Variants in PTP4A2 observed in about 807,000 individuals in gnomAD.
PTP4A2 encodes the protein protein tyrosine phosphatase 4A2, also known as protein tyrosine phosphatase type IVA 2.
In PTP4A2, 2 loss-of-function variants were observed where a neutral mutation model predicts 22.9. That is an observed-to-expected ratio of 0.09 (90% CI 0.04 to 0.27). The LOEUF is 0.27. PTP4A2 is among the 10% of genes least tolerant of loss of function. The pLI, the probability that PTP4A2 is intolerant of heterozygous loss-of-function variation, is 1.00. For missense variants in PTP4A2, 103 were observed against 205.1 expected (o/e 0.50, Z 3.04); for synonymous variants, 68 against 69.1 (o/e 0.98, Z 0.08).
intron 1 of PTP4A2, among the ~76,000 whole-genome samples, chr1:31,936,607 C>T (rs1652943719): frequency 6.6e-6 from 1 of 152,076 alleles, no homozygotes; most frequent in South Asian, 2.1e-4. Flanking sequence ...TCAAGAATCC[C>T]TACTTTTACA....
intron 3 of PTP4A2, chr1:31,913,910 T>C (rs1022928266): frequency 2.2e-6 from 1 of 455,298 alleles, no homozygotes; most frequent in African/African-American, 2.0e-5. Flanking sequence ...TAAACTTGTA[T>C]GCAGCTTATT....
chr1:31,916,345 CA>C (rs1167002913), intron 2 of PTP4A2, among the ~76,000 whole-genome samples: 788 of 35,388 alleles, frequency 0.022, 36 homozygotes, highest in African/African-American at 0.043. Context: ...ACTCCGTCTC[CA>C]AAAAAAAAAA....
At chr1:31,913,140 ACC>A (rs900096356) in intron 3 of PTP4A2, 1 of 379,988 alleles carries the variant, frequency 2.6e-6, no homozygotes, top group African/African-American at 2.1e-5. Context: ...AGCTAAAACC[ACC>A]ATTAGTCTAT....
In PTP4A2 at chr1:31,908,245, T is replaced by G. The variant is rs1416538627; in HGVS notation, c.*607A>C. 27 of 120,588 alleles carry G rather than the reference T, an allele frequency of 2.2e-4. No individual in the cohort carries two copies. Among genetic ancestry groups the G allele is most frequent in the African/African-American group, 5.0e-4 (16 of 32,012 alleles). The allele number at this position is 120,588 out of a possible 1,614,324, so 7.5% of individuals were successfully genotyped here. Reference sequence around the variant, plus strand: ...TTTGGTGTTGTTTTTTGTTTTTTTTTTTTTTTTATCTAAAAGTGCCCAGGT... The same window carrying G: ...TTTGGTGTTGTTTTTTGTTTTTTTTGTTTTTTTATCTAAAAGTGCCCAGGT... On this transcript the variant is annotated 3_prime_UTR_variant, in exon 6 of 6. Transcript: ENST00000647444.
At chr1:31,915,864 G>T in intron 3 of PTP4A2, 31 bp downstream of exon 3, 2 of 1,413,146 alleles carry the variant, frequency 1.4e-6, no homozygotes, top group Non-Finnish European at 2.0e-6. Context: ...GATACAACTT[G>T]TTTTGAAAAA....
At chr1:31,916,253 G>A (rs540650817) in intron 2 of PTP4A2, among the ~76,000 whole-genome samples, 1 of 132,664 alleles carries the variant, frequency 7.5e-6, no homozygotes, top group East Asian at 2.0e-4. Flanking sequence ...GCTGAGGCAG[G>A]AGAATCGCTT....
At chr1:31,913,078 T>C (rs1322596759) in intron 3 of PTP4A2, 1 of 428,584 alleles carries the variant, frequency 2.3e-6, no homozygotes, top group Admixed American at 3.0e-5. Context: ...GTAGTGTCTA[T>C]TTTTAAAAAA....
chr1:31,909,983 TC>T (rs1651450534), intron 5 of PTP4A2, 54 bp downstream of exon 5: 5 of 1,450,258 alleles, frequency 3.4e-6, no homozygotes, highest in Non-Finnish European at 3.9e-6. Flanking sequence ...CATAATTCCT[TC>T]CTCATGCATG....
chr1:31,907,010 A>AG lies in PTP4A2; in HGVS notation c.*1841_*1842insC, dbSNP rs1313637815. 6.6e-6 allele frequency: 1 copy of AG among 152,186 alleles called. No homozygotes were observed. Among genetic ancestry groups the AG allele is most frequent in the Non-Finnish European group, 1.5e-5 (1 of 68,012 alleles). 9.4% of individuals were successfully genotyped at this position (152,186 alleles called of 1,614,324 possible). A position where few individuals can be genotyped will look rare whatever the true frequency, so the allele number is the denominator to read the frequency against. On this transcript the variant is annotated 3_prime_UTR_variant, in exon 6 of 6. Transcript: ENST00000647444. ...CCTAGAAACAATTTCGAAAAGCATT[A>AG]TTTTGTTTTGTTTTCTGGGATGGGA...
intron 3 of PTP4A2, among the ~76,000 whole-genome samples, chr1:31,913,493 G>C (rs1172509081): frequency 3.9e-5 from 6 of 151,978 alleles, no homozygotes; most frequent in Admixed American, 1.3e-4. Context: ...TCTCCACGCT[G>C]TTTTCTATAG....
chr1:31,930,269 G>A (rs1227659707), intron 1 of PTP4A2, among the ~76,000 whole-genome samples: 2 of 152,146 alleles, frequency 1.3e-5, no homozygotes, highest in East Asian at 3.9e-4. Flanking sequence ...ACCCCGGGGG[G>A]GCGGAACCTG....
At position 31,910,110 on chromosome 1, in the gene PTP4A2, GC is replaced by G; in HGVS notation, c.322del (p.Ala108HisfsTer9). 6.2e-7 allele frequency: 1 copy of G among 1,612,402 alleles called. No homozygotes were observed. On this transcript the variant is annotated frameshift_variant and splice_region_variant, in exon 5 of 6. Transcript: ENST00000647444. LOFTEE classifies it high-confidence loss of function. ...CAAAGCAAGTGCAACCAGCACAGGT[GC>G]CCTGCAGAAAGAAACCTGTATGTAA... ...AVHCVAGLGRAPVLVALALIE... is the reference protein window; with the variant it reads ...AVHCVAGLGRXPVLVALALIE...
In PTP4A2 at chr1:31,919,185, A is replaced by AT. The variant is rs1652015965; in HGVS notation, c.-121dup. On this transcript the variant is annotated 5_prime_UTR_variant, in exon 2 of 6. Transcript: ENST00000647444. ...CATTAAAAAGACCACTAAAATGCCT[A>AT]TTATCAATCAGTGTTTTCTCTATTC... is the stretch of plus-strand genomic sequence containing the variant. 1.8e-6 allele frequency: 1 copy of AT among 543,756 alleles called. No homozygotes were observed. The highest frequency in any genetic ancestry group is 3.3e-6 in the Non-Finnish European group (1 of 303,196). The allele number at this position is 543,756 out of a possible 1,614,324, so 33.7% of individuals were successfully genotyped here.
intron 1 of PTP4A2, among the ~76,000 whole-genome samples, chr1:31,931,496 A>G (rs1652725798): frequency 6.6e-6 from 1 of 152,218 alleles, no homozygotes; most frequent in Non-Finnish European, 1.5e-5. Flanking sequence ...TGCCATATTT[A>G]TGGGCCTCCC....
chr1:31,935,513 G>A (rs1652896978), intron 1 of PTP4A2: 1 of 152,102 alleles, frequency 6.6e-6, no homozygotes, highest in Non-Finnish European at 1.5e-5. Context: ...AAAAATCAAG[G>A]GCTTTAGAGT....
intron 1 of PTP4A2, among the ~76,000 whole-genome samples, chr1:31,932,012 T>C (rs1016515552): frequency 6.6e-6 from 1 of 152,226 alleles, no homozygotes; most frequent in African/African-American, 2.4e-5. Flanking sequence ...CTAGTGAATG[T>C]TTCCTGTAAA....
At chr1:31,922,586 GTTTCTTTC>G (rs200368265) in intron 1 of PTP4A2, among the ~76,000 whole-genome samples, 24,877 of 145,936 alleles carry the variant, frequency 0.17, 2,500 homozygotes, top group Non-Finnish European at 0.22. Context: ...ACCCAGGTTT[GTTTCTTTC>G]TTTCTTTCTT....
intron 3 of PTP4A2, among the ~76,000 whole-genome samples, chr1:31,913,368 CTATT>C (rs1268630093): frequency 2.2e-4 from 33 of 152,220 alleles, no homozygotes; most frequent in African/African-American, 5.5e-4. Context: ...CTGATCATAG[CTATT>C]TATTTATTTG....
chr1:31,929,042 C>T (rs989377082), intron 1 of PTP4A2, among the ~76,000 whole-genome samples: 2 of 152,178 alleles, frequency 1.3e-5, no homozygotes, highest in East Asian at 1.9e-4. Context: ...CGGTGATTAA[C>T]GGTTGTCCTT....
Sources: allele counts gnomAD v4.1 joint callset (sites outside exome capture counted in the v4.1 genomes callset), GRCh38; gene constraint gnomAD v4.1.1; transcripts MANE v1.5; gene names NCBI Gene and HGNC (gene_info 2026-07-23, HGNC 2026-07-21).